Variants in TTC7B observed in about 807,000 individuals in gnomAD.
TTC7B encodes tetratricopeptide repeat domain 7B.
A neutral mutation model predicts 106.8 loss-of-function variants in TTC7B; 28 were observed. The ratio of observed to expected loss-of-function variants is 0.26; its 90% CI spans 0.19 to 0.36. The LOEUF (loss-of-function observed/expected upper bound fraction) is 0.36. Ranked by LOEUF, TTC7B falls within the 10% of genes least tolerant of loss-of-function variation. The pLI is 1.00. For synonymous variants in TTC7B, 405 were observed against 430.6 expected (o/e 0.94, Z 0.74); for missense variants, 862 against 1,076.4 (o/e 0.80, Z 2.79).
At chr14:90,617,777 T>G in intron 16 of TTC7B, 152 bp downstream of exon 16, 2 of 633,918 alleles carry the variant, frequency 3.2e-6, no homozygotes, top group Non-Finnish European at 5.7e-6. Context: ...ACATGGAGTG[T>G]GAAGCTCCAC....
chr14:90,742,230 C>T lies in TTC7B; in HGVS notation c.576+2562G>A, dbSNP rs534445796. Reference sequence around the variant, plus strand: ...TAGTTTCGTTTCATTTCGTTTCGTTCGCTTCTTTCTTTCTTCCTTTCTTTC... The same window carrying T: ...TAGTTTCGTTTCATTTCGTTTCGTTTGCTTCTTTCTTTCTTCCTTTCTTTC... On this transcript the variant is annotated intron_variant, in intron 4 of 19. Coordinates refer to ENST00000328459, the MANE Select transcript of TTC7B (RefSeq NM_001010854.2). The surrounding 1 kb of genome is among the most constrained non-coding windows in gnomAD (Gnocchi z 4.1). Among the ~76,000 whole-genome samples the T allele has an allele frequency of 9.9e-5, 15 of 152,008 alleles. No homozygotes were observed. The highest frequency in any genetic ancestry group is 2.1e-4 in the South Asian group (1 of 4,796).
intron 9 of TTC7B, among the ~76,000 whole-genome samples, chr14:90,664,421 C>T (rs1327669020): frequency 6.6e-6 from 1 of 152,110 alleles, no homozygotes; most frequent in Non-Finnish European, 1.5e-5. Flanking sequence ...AGGTGCCCGC[C>T]ACCAGGCCCA....
intron 3 of TTC7B, among the ~76,000 whole-genome samples, chr14:90,749,694 C>T (rs890047213): frequency 6.6e-5 from 10 of 152,104 alleles, no homozygotes; most frequent in South Asian, 4.1e-4. Flanking sequence ...CATGAGCCAC[C>T]GCACCTGGCC....
intron 3 of TTC7B, among the ~76,000 whole-genome samples, chr14:90,758,234 G>T (rs1022759251): frequency 6.6e-6 from 1 of 151,134 alleles, no homozygotes; most frequent in African/African-American, 2.4e-5. Flanking sequence ...GCCGGCCTTG[G>T]GGCACCACTG....
At chr14:90,662,697 G>A (rs1050829642) in intron 9 of TTC7B, among the ~76,000 whole-genome samples, 2 of 152,176 alleles carry the variant, frequency 1.3e-5, no homozygotes, top group South Asian at 2.1e-4. Flanking sequence ...TTAATGCAGA[G>A]AGTTACTAAG....
chr14:90,553,144 A>G (rs1254682467), intron 19 of TTC7B, among the ~76,000 whole-genome samples: 1 of 152,144 alleles, frequency 6.6e-6, no homozygotes, highest in Non-Finnish European at 1.5e-5. Context: ...CTCTCAGAGC[A>G]CTGGGGGGAC....
rs1307560995 is a variant in TTC7B at position 90,541,559 on chromosome 14, T to G, written c.2341A>C (p.Ser781Arg). The change falls in exon 20 of 20, where the codon AGT becomes CGT. Residue 781 changes from serine (S) to arginine (R), a missense_variant. Ser to Arg is a moderately radical substitution (Grantham distance 110). Transcript: ENST00000328459. ...TCCCGGAGGATCTTCTCCGCCAGAC[T>G]GTAGCGGCCTAGCTGGTGAAGGATC... ...ALILHQLGRY[S>R]LAEKILRDAV... is the part of the protein sequence containing the mutation. 2.1e-5 allele frequency: 34 copies of G among 1,605,750 alleles called. No individual in the cohort carries two copies. Among genetic ancestry groups the G allele is most frequent in the Non-Finnish European group, 2.9e-5 (34 of 1,173,758 alleles).
chr14:90,593,939 A>C, intron 17 of TTC7B: 3 of 212,936 alleles, frequency 1.4e-5, no homozygotes, highest in Non-Finnish European at 1.8e-5. Context: ...AATCAAATAA[A>C]TGAAGTGCTA....
At chr14:90,640,266 T>C (rs1392461124) in intron 15 of TTC7B, among the ~76,000 whole-genome samples, 1 of 142,130 alleles carries the variant, frequency 7.0e-6, no homozygotes, top group Non-Finnish European at 1.6e-5. Context: ...AGTGAGGCCC[T>C]GTCTCAAAAC....
In TTC7B at chr14:90,649,817, A is replaced by G. The variant is rs113567457; in HGVS notation, c.1518-2794T>C. 1.1e-3 allele frequency among the ~76,000 whole-genome samples: 166 copies of G among 152,016 alleles called. 1 individual carries two copies. Among genetic ancestry groups the G allele is most frequent in the African/African-American group, 3.8e-3 (158 of 41,460 alleles). ...CATCCACCATCCACCCATCCACATTATGCAATATCTATAATGTGATGCCAG... is the reference window on the plus strand; with the variant it reads ...CATCCACCATCCACCCATCCACATTGTGCAATATCTATAATGTGATGCCAG... On this transcript the variant is annotated intron_variant, in intron 13 of 19. Coordinates refer to ENST00000328459, the MANE Select transcript of TTC7B (RefSeq NM_001010854.2).
chr14:90,545,352 G>C (rs1889783223), intron 19 of TTC7B, among the ~76,000 whole-genome samples: 1 of 152,204 alleles, frequency 6.6e-6, no homozygotes, highest in Non-Finnish European at 1.5e-5. Context: ...TCATTTCTCT[G>C]ACCACTAACT....
At position 90,730,146 on chromosome 14, in the gene TTC7B, G is replaced by C. The variant is rs1453612013; in HGVS notation, c.627C>G (p.Pro209=). ...QNRSPKPGPA[P]HDQELGFFLE... is the part of the protein sequence containing the mutation. ...GGAAAAAACCTAGTTCTTGATCGTG[G>C]GGAGCAGGGCCAGGCTTAGGGCTTC... The change falls in exon 5 of 20, where the codon CCC becomes CCG. Residue 209 remains proline, a synonymous_variant. Transcript: ENST00000328459. 6.2e-7 allele frequency: 1 copy of C among 1,613,714 alleles called. No individual in the cohort carries two copies. The highest frequency in any genetic ancestry group is 1.1e-5 in the South Asian group (1 of 91,038).
At chr14:90,789,669 G>A (rs11627128) in intron 1 of TTC7B, among the ~76,000 whole-genome samples, 20,514 of 152,044 alleles carry the variant, frequency 0.13, 1,606 homozygotes, top group Non-Finnish European at 0.18. Context: ...GGCCAGGGCA[G>A]GTGGATCATG....
chr14:90,777,783 C>A (rs1891080424), intron 3 of TTC7B, among the ~76,000 whole-genome samples: 1 of 152,338 alleles, frequency 6.6e-6, no homozygotes, highest in Middle Eastern at 3.4e-3. Flanking sequence ...TGTCTCTGGG[C>A]ATCTCCATGA....
At chr14:90,551,012 C>A (rs975032026) in intron 19 of TTC7B, among the ~76,000 whole-genome samples, 3 of 152,234 alleles carry the variant, frequency 2.0e-5, no homozygotes, top group Non-Finnish European at 2.9e-5. Context: ...AGATGCCCTG[C>A]TCCCAGCTGA....
chr14:90,730,298 C>A, intron 4 of TTC7B, 102 bp from the exon 5 acceptor site: 1 of 1,395,482 alleles, frequency 7.2e-7, no homozygotes, highest in Non-Finnish European at 9.6e-7. Flanking sequence ...AAACCAACTT[C>A]CTCAGGCAAA....
At chr14:90,632,401 G>A (rs1279829520) in intron 15 of TTC7B, among the ~76,000 whole-genome samples, 1 of 152,144 alleles carries the variant, frequency 6.6e-6, no homozygotes, top group Non-Finnish European at 1.5e-5. Context: ...GTATGTGTGT[G>A]TGTGCCCGAG....
intron 6 of TTC7B, among the ~76,000 whole-genome samples, chr14:90,691,668 C>G (rs756261299): frequency 5.9e-5 from 9 of 152,094 alleles, no homozygotes; most frequent in South Asian, 2.1e-4. Flanking sequence ...CATTAAATGC[C>G]CTTTTTGTGT....
chr14:90,630,687 T>G (rs1404122448), intron 15 of TTC7B, among the ~76,000 whole-genome samples: 1 of 152,200 alleles, frequency 6.6e-6, no homozygotes, highest in African/African-American at 2.4e-5. Context: ...CTACTTTCTG[T>G]CTCTATGAGT....
Sources: gnomAD v4.1 joint callset for allele counts (sites outside exome capture counted in the v4.1 genomes callset) on GRCh38, gnomAD v4.1.1 for gene constraint, Gnocchi (gnomAD v3.1) non-coding constraint, MANE v1.5 for transcripts, NCBI Gene and HGNC (gene_info 2026-07-23, HGNC 2026-07-21) for gene names.